Variants in HTR3B observed in about 807,000 individuals in gnomAD.
HTR3B encodes the protein 5-hydroxytryptamine receptor 3B.
A neutral mutation model predicts 42.8 loss-of-function variants in HTR3B; 44 were observed. The ratio of observed to expected loss-of-function variants is 1.03; its 90% confidence interval spans 0.81 to 1.32. The LOEUF (loss-of-function observed/expected upper bound fraction) is 1.32. Ranked by LOEUF, HTR3B falls within the 40% of genes most tolerant of loss-of-function variation. The pLI is 0.00. For synonymous variants in HTR3B, 203 were observed against 209.0 expected (o/e 0.97, Z 0.25); for missense variants, 527 against 536.5 (o/e 0.98, Z 0.17).
chr11:113,936,792 C>T (rs1444995928), intron 6 of HTR3B, among the ~76,000 whole-genome samples: 2 of 152,092 alleles, frequency 1.3e-5, no homozygotes, highest in African/African-American at 4.8e-5. Flanking sequence ...GGAGTCTAGG[C>T]GTCAAAATTC....
intron 1 of HTR3B, 39 bp from the exon 2 acceptor site, chr11:113,909,256 C>T (rs201274345): frequency 1.3e-6 from 2 of 1,560,732 alleles, no homozygotes; most frequent in East Asian, 2.2e-5. Context: ...AACCAAGCTC[C>T]TCTTACTTTT....
intron 2 of HTR3B, among the ~76,000 whole-genome samples, chr11:113,929,041 T>A (rs1414506137): frequency 6.6e-6 from 1 of 152,218 alleles, no homozygotes; most frequent in Admixed American, 6.5e-5. Flanking sequence ...AGAAGTGGAA[T>A]TGCTGGATTA....
intron 7 of HTR3B, among the ~76,000 whole-genome samples, chr11:113,943,751 T>C (rs533956317): frequency 3.3e-5 from 5 of 151,188 alleles, no homozygotes; most frequent in Middle Eastern, 6.8e-3. Flanking sequence ...AGTTTGAGTC[T>C]GCAGTGAGCT....
chr11:113,899,565 A>G, the HTR3B span, among the ~76,000 whole-genome samples: 2 of 152,254 alleles, frequency 1.3e-5, no homozygotes, highest in African/African-American at 2.4e-5. Context: ...ACTTTGTTGG[A>G]GAGGAATAAA....
At chr11:113,918,655 T>C (rs1162812211) in intron 2 of HTR3B, among the ~76,000 whole-genome samples, 1 of 141,276 alleles carries the variant, frequency 7.1e-6, no homozygotes, top group Non-Finnish European at 1.5e-5. Flanking sequence ...AGTATGACAA[T>C]CTATGCATTT....
intron 2 of HTR3B, among the ~76,000 whole-genome samples, chr11:113,925,297 C>T (rs1385651102): frequency 6.6e-6 from 1 of 152,044 alleles, no homozygotes; most frequent in Non-Finnish European, 1.5e-5. Flanking sequence ...CCATCAACTT[C>T]CTAAACACTT....
chr11:113,905,233 C>G (rs1023546360), intron 1 of HTR3B, among the ~76,000 whole-genome samples: 1 of 152,122 alleles, frequency 6.6e-6, no homozygotes, highest in African/African-American at 2.4e-5. Context: ...AAAATATGCT[C>G]TGAAATGTTA....
intron 7 of HTR3B, among the ~76,000 whole-genome samples, chr11:113,943,510 T>C (rs780625385): frequency 1.3e-5 from 2 of 152,074 alleles, no homozygotes; most frequent in African/African-American, 2.4e-5. Flanking sequence ...ATTTGTTGTA[T>C]TTTTAGTAGA....
upstream of HTR3B, among the ~76,000 whole-genome samples, chr11:113,902,274 GATGTGCCCTGTTTTTGTTTTTTGTTTT>G (rs1949701576): frequency 6.6e-6 from 1 of 152,044 alleles, no homozygotes; most frequent in South Asian, 2.1e-4. Context: ...TGATCAACAT[GATGTGCCCTGTTTTTGTTTTTTGTTTT>G]TTTTTTCTTT....
At chr11:113,944,106 G>A (rs1253484835) in intron 7 of HTR3B, among the ~76,000 whole-genome samples, 3 of 149,646 alleles carry the variant, frequency 2.0e-5, no homozygotes, top group African/African-American at 4.9e-5. Flanking sequence ...TGCAACCTCC[G>A]CCTCCTGGGT....
At chr11:113,927,761 T>C (rs1335892686) in intron 2 of HTR3B, among the ~76,000 whole-genome samples, 5 of 152,014 alleles carry the variant, frequency 3.3e-5, no homozygotes, top group Admixed American at 6.6e-5. Flanking sequence ...CGGGGTTTCA[T>C]GGGCCAGGCT....
chr11:113,902,297 G>C (rs28547016), upstream of HTR3B, among the ~76,000 whole-genome samples: 1 of 148,730 alleles, frequency 6.7e-6, no homozygotes, highest in East Asian at 2.0e-4. Context: ...TTTGTTTTTT[G>C]TTTTTTTTTT....
rs747710368 is a variant in HTR3B, at chr11:113,933,045, C to T, written c.648C>T (p.Tyr216=). ...EWELLSVSST[Y]SILQSSAGGF... ...AACTTCTATCTGTGTCCTCCACATA[C>T]AGCATCCTGCAGAGCAGCGCTGGAG... Residue 216 remains tyrosine (Y), a synonymous_variant, in exon 6 of 9, where the codon TAC becomes TAT. Transcript: ENST00000260191. The T allele has an allele frequency of 5.6e-6, 9 of 1,614,160 alleles. No individual in the cohort carries two copies. The highest frequency in any genetic ancestry group is 6.8e-6 in the Non-Finnish European group (8 of 1,180,014).
intron 2 of HTR3B, among the ~76,000 whole-genome samples, chr11:113,919,570 T>A (rs562874663): frequency 6.6e-6 from 1 of 152,322 alleles, no homozygotes; most frequent in South Asian, 2.1e-4. Context: ...GGCTCACGCC[T>A]GTAATCCCAG....
chr11:113,931,383 G>A lies in HTR3B; in HGVS notation c.214-1G>A. 1.2e-6 allele frequency: 2 copies of A among 1,600,384 alleles called. No homozygotes were observed. The highest frequency in any genetic ancestry group is 1.7e-6 in the Non-Finnish European group (2 of 1,172,842). Reference sequence around the variant, plus strand: ...GAGTGGATTTTCTTTTTGCCTTGCAGGATGCAGAGAATCAAATATTAAAGA... The same window carrying A: ...GAGTGGATTTTCTTTTTGCCTTGCAAGATGCAGAGAATCAAATATTAAAGA... On this transcript the variant is annotated splice_acceptor_variant, in intron 2 of 8. Transcript: ENST00000260191. LOFTEE classifies it high-confidence loss of function.
intron 6 of HTR3B, among the ~76,000 whole-genome samples, chr11:113,940,188 G>A (rs1950123266): frequency 6.6e-6 from 1 of 152,074 alleles, no homozygotes; most frequent in Non-Finnish European, 1.5e-5. Flanking sequence ...CACCTGGCCT[G>A]TCCCCTTGAT....
At chr11:113,927,688 G>T (rs758589824) in intron 2 of HTR3B, among the ~76,000 whole-genome samples, 1 of 151,320 alleles carries the variant, frequency 6.6e-6, no homozygotes, top group African/African-American at 2.4e-5. Flanking sequence ...TCAGCCTCCC[G>T]AGTAGCTGGA....
intron 2 of HTR3B, among the ~76,000 whole-genome samples, chr11:113,917,500 G>A (rs1367523330): frequency 6.6e-6 from 1 of 152,056 alleles, no homozygotes; most frequent in African/African-American, 2.4e-5. Flanking sequence ...AAAATCTCCA[G>A]TTATGATTGT....
chr11:113,933,484 A>ATTT (rs201659847), intron 6 of HTR3B, among the ~76,000 whole-genome samples: 8 of 149,018 alleles, frequency 5.4e-5, no homozygotes, highest in Non-Finnish European at 6.0e-5. Context: ...TTATTGTCCT[A>ATTT]TTTTTTTTTT....
Sources: gnomAD v4.1 joint callset for allele counts (sites outside exome capture counted in the v4.1 genomes callset) on GRCh38, gnomAD v4.1.1 for gene constraint, MANE v1.5 for transcripts, NCBI Gene and HGNC (gene_info 2026-07-23, HGNC 2026-07-21) for gene names.